CHN2: variants seen among roughly 807,000 people sequenced by gnomAD.
The protein encoded by CHN2 is beta-chimaerin.
Under a neutral mutation model 56.3 loss-of-function variants are expected in CHN2, and 35 were observed. The observed-to-expected ratio is 0.62, with a 90% CI of 0.47 to 0.82. CHN2 has a LOEUF of 0.82. Among genes scored for constraint, CHN2 ranks in the 40% least tolerant of loss-of-function variants. The pLI, the probability that CHN2 is intolerant of heterozygous loss-of-function variation, is 0.00. For synonymous variants in CHN2, 210 were observed against 212.8 expected (o/e 0.99, Z 0.12); for missense variants, 491 against 580.5 (o/e 0.85, Z 1.58).
At chr7:29,470,855 A>C (rs976588676) in intron 6 of CHN2, among the ~76,000 whole-genome samples, 3 of 152,186 alleles carry the variant, frequency 2.0e-5, no homozygotes, top group Non-Finnish European at 4.4e-5. Flanking sequence ...GAAAACCCAC[A>C]TGTCAGTCAT....
intron 3 of CHN2, among the ~76,000 whole-genome samples, chr7:29,386,405 G>A (rs1161169928): frequency 6.6e-6 from 1 of 152,154 alleles, no homozygotes; most frequent in Non-Finnish European, 1.5e-5. Flanking sequence ...CCCTGTGTAG[G>A]AGGCTGCTAA....
Position 29,204,944 on chromosome 7 carries a change from A to T in CHN2, c.49+9954A>T, listed in dbSNP as rs554747221. Among the ~76,000 whole-genome samples, 16 of 152,366 alleles carry T rather than the reference A, an allele frequency of 1.1e-4. No homozygotes were observed. In the South Asian group the frequency reaches 3.3e-3, roughly 32 times the overall value. On this transcript the variant is annotated intron_variant, in intron 1 of 12. Coordinates refer to ENST00000222792, the MANE Select transcript of CHN2 (RefSeq NM_004067.4). Reference sequence around the variant, plus strand: ...TAGGCAATTACACATGTAAGACATGATTTTGAGTTAAACGATGTCATCTGG... The same window carrying T: ...TAGGCAATTACACATGTAAGACATGTTTTTGAGTTAAACGATGTCATCTGG...
At chr7:29,323,763 C>T (rs1298753101) in intron 1 of CHN2, among the ~76,000 whole-genome samples, 3 of 151,684 alleles carry the variant, frequency 2.0e-5, no homozygotes, top group Non-Finnish European at 4.4e-5. Context: ...TTTGGGAGGC[C>T]GAGGCGGGCG....
intron 1 of CHN2, among the ~76,000 whole-genome samples, chr7:29,269,773 C>G (rs1393139499): frequency 6.6e-6 from 1 of 152,218 alleles, no homozygotes; most frequent in African/African-American, 2.4e-5. Flanking sequence ...GTCAGGCAAA[C>G]AGAGAAAACA....
upstream of CHN2, chr7:29,193,248 T>C (rs938315882): frequency 2.0e-5 from 3 of 151,984 alleles, no homozygotes; most frequent in African/African-American, 7.3e-5. Context: ...TGGGATAGTA[T>C]CCTGGAGGGA....
chr7:29,318,853 C>T (rs1435447412), intron 1 of CHN2, among the ~76,000 whole-genome samples: 1 of 152,114 alleles, frequency 6.6e-6, no homozygotes, highest in South Asian at 2.1e-4. Context: ...CTCATCTTCC[C>T]ATGAAATAGA....
upstream of CHN2, chr7:29,193,034 G>C (rs565013333): frequency 6.6e-6 from 1 of 152,222 alleles, no homozygotes; most frequent in Admixed American, 6.5e-5. Flanking sequence ...GCATCATTTC[G>C]TGCAGTCCAC....
At chr7:29,183,934 C>T (rs1472439007) in intron 2 of CHN2, among the ~76,000 whole-genome samples, 1 of 151,986 alleles carries the variant, frequency 6.6e-6, no homozygotes, top group Admixed American at 6.6e-5. Context: ...TGGGGCATAA[C>T]AACGAGTTAC....
At chr7:29,166,968 T>C (rs990810177) in intron 2 of CHN2, among the ~76,000 whole-genome samples, 5 of 152,176 alleles carry the variant, frequency 3.3e-5, no homozygotes, top group African/African-American at 1.2e-4. Flanking sequence ...CTCCACAATA[T>C]AAGATATATT....
At chr7:29,313,380 G>C (rs1012587045) in intron 1 of CHN2, among the ~76,000 whole-genome samples, 1 of 152,232 alleles carries the variant, frequency 6.6e-6, no homozygotes, top group Non-Finnish European at 1.5e-5. Flanking sequence ...CCCTGAAATA[G>C]AGGAACTCTG....
At chr7:29,259,858 G>T (rs1789399766) in intron 1 of CHN2, among the ~76,000 whole-genome samples, 1 of 152,182 alleles carries the variant, frequency 6.6e-6, no homozygotes, top group African/African-American at 2.4e-5. Flanking sequence ...ATTTGTATTT[G>T]TCAGTTATAC....
intron 3 of CHN2, among the ~76,000 whole-genome samples, chr7:29,380,216 C>T (rs1049360702): frequency 6.6e-6 from 1 of 151,952 alleles, no homozygotes; most frequent in Middle Eastern, 3.4e-3. Flanking sequence ...AAGGTCATGA[C>T]GTTATCAGTG....
intron 1 of CHN2, among the ~76,000 whole-genome samples, chr7:29,344,335 TC>T (rs1164770971): frequency 6.6e-6 from 1 of 152,216 alleles, no homozygotes; most frequent in East Asian, 1.9e-4. Context: ...CTCTGTATTA[TC>T]CCCGCTTGCA....
intron 1 of CHN2, among the ~76,000 whole-genome samples, chr7:29,309,143 A>G (rs1369653524): frequency 6.6e-6 from 1 of 152,234 alleles, no homozygotes; most frequent in Non-Finnish European, 1.5e-5. Context: ...AGTCTTTTAC[A>G]AGAATAAATT....
chr7:29,212,193 T>C (rs1351735351), intron 1 of CHN2: 4 of 616,490 alleles, frequency 6.5e-6, no homozygotes, highest in Non-Finnish European at 1.1e-5. Flanking sequence ...ATACTTTTGC[T>C]TCTGGAAGTC....
intron 1 of CHN2, among the ~76,000 whole-genome samples, chr7:29,232,794 C>G (rs1786823897): frequency 6.6e-6 from 1 of 152,144 alleles, no homozygotes; most frequent in South Asian, 2.1e-4. Flanking sequence ...AGGCTTCTTT[C>G]TAACTGTTAT....
At chr7:29,417,388 T>G (rs1180989916) in intron 6 of CHN2, among the ~76,000 whole-genome samples, 2 of 145,882 alleles carry the variant, frequency 1.4e-5, no homozygotes, top group Non-Finnish European at 3.0e-5. Flanking sequence ...CAGGCTGGAG[T>G]GCAGTGGCGC....
chr7:29,498,724 C>T (rs1789579221), intron 8 of CHN2, among the ~76,000 whole-genome samples: 1 of 142,612 alleles, frequency 7.0e-6, no homozygotes, highest in African/African-American at 2.8e-5. Flanking sequence ...GAATTTTTCC[C>T]TTTCAGAATG....
intron 6 of CHN2, among the ~76,000 whole-genome samples, chr7:29,417,061 C>G (rs1466928471): frequency 6.6e-6 from 1 of 152,170 alleles, no homozygotes; most frequent in African/African-American, 2.4e-5. Flanking sequence ...TCACCTGCAC[C>G]TTCTTCGAAA....
Sources: allele counts gnomAD v4.1 joint callset (sites outside exome capture counted in the v4.1 genomes callset), GRCh38; gene constraint gnomAD v4.1.1; transcripts MANE v1.5; gene names NCBI Gene and HGNC (gene_info 2026-07-23, HGNC 2026-07-21).